Variants in DPP10 observed in about 807,000 individuals in gnomAD.
The protein encoded by DPP10 is inactive dipeptidyl peptidase 10.
DPP10 carries 33 observed loss-of-function variants against 120.9 expected under a neutral mutation model. The observed-to-expected ratio is 0.27, with a 90% CI of 0.21 to 0.37. DPP10 has a LOEUF of 0.37. Ranked by LOEUF, DPP10 falls within the 10% of genes least tolerant of loss-of-function variation. The pLI, the probability that DPP10 is intolerant of heterozygous loss-of-function variation, is 1.00. For synonymous variants in DPP10, 337 were observed against 326.1 expected, an observed-to-expected ratio of 1.03 and a Z score of -0.36; for missense variants, 816 against 942.8, an observed-to-expected ratio of 0.87 and a Z score of 1.76.
intron 1 of DPP10, among the ~76,000 whole-genome samples, chr2:115,150,573 T>A (rs563199539): frequency 1.3e-5 from 2 of 152,360 alleles, no homozygotes; most frequent in African/African-American, 4.8e-5. Context: ...TTGTACTAAA[T>A]CTACATTGGT....
chr2:115,398,720 G>A (rs1010655519), intron 3 of DPP10, among the ~76,000 whole-genome samples: 4 of 151,992 alleles, frequency 2.6e-5, no homozygotes, highest in Non-Finnish European at 5.9e-5. Flanking sequence ...CTTTATATGA[G>A]ATTTGATTTT....
intron 1 of DPP10, chr2:114,463,457 A>G (rs1679096421): frequency 6.6e-6 from 1 of 152,176 alleles, no homozygotes; most frequent in Admixed American, 6.5e-5. Flanking sequence ...AAATAGCTTT[A>G]CCAACTAGAG....
chr2:114,467,016 G>A (rs1349821436), intron 1 of DPP10, among the ~76,000 whole-genome samples: 2 of 145,602 alleles, frequency 1.4e-5, no homozygotes, highest in Admixed American at 1.4e-4. Context: ...CTCCCAGGGC[G>A]AGAGAGGAAG....
At chr2:115,600,077 G>GT (rs969062825) in intron 5 of DPP10, among the ~76,000 whole-genome samples, 88 of 151,742 alleles carry the variant, frequency 5.8e-4, no homozygotes, top group Non-Finnish European at 1.1e-3. Context: ...GTTTGTTTTT[G>GT]TTTTTTTGAT....
rs80182949 is a variant in DPP10 at position 115,434,002 on chromosome 2, T to G, written c.272-65508T>G. 7.9e-3 allele frequency among the ~76,000 whole-genome samples: 1,205 copies of G among 152,076 alleles called. 7 individuals carry two copies. The highest frequency in any genetic ancestry group is 0.013 in the Non-Finnish European group (866 of 67,922). On this transcript the variant is annotated intron_variant, in intron 3 of 25. Coordinates refer to ENST00000410059, the MANE Select transcript of DPP10 (RefSeq NM_020868.6). ...ATAAATAACTTCTGTACACTGTGGA[T>G]TGCTTTATTTATACTTTGGTAATAG... is the stretch of plus-strand genomic sequence containing the variant.
At chr2:114,881,996 C>A (rs1348139579) in intron 1 of DPP10, among the ~76,000 whole-genome samples, 1 of 151,990 alleles carries the variant, frequency 6.6e-6, no homozygotes, top group African/African-American at 2.4e-5. Context: ...ATTTTCTGTC[C>A]TGCAACAAGT....
chr2:114,534,027 G>A (rs1254069619), intron 1 of DPP10, among the ~76,000 whole-genome samples: 2 of 151,156 alleles, frequency 1.3e-5, no homozygotes, highest in African/African-American at 4.9e-5. Context: ...GATATGGGAT[G>A]TTCTACATAC....
chr2:115,271,638 C>A (rs996809294), intron 1 of DPP10, among the ~76,000 whole-genome samples: 5 of 151,904 alleles, frequency 3.3e-5, no homozygotes, highest in African/African-American at 1.2e-4. Flanking sequence ...ATTTCAAAAT[C>A]TATTAGAAAG....
intron 1 of DPP10, among the ~76,000 whole-genome samples, chr2:114,763,493 G>A (rs1362123305): frequency 3.3e-5 from 5 of 152,124 alleles, no homozygotes; most frequent in Admixed American, 2.6e-4. Context: ...ATCACATCCT[G>A]ACTTAATTTG....
chr2:115,836,387 C>G, intron 22 of DPP10, 120 bp from the exon 23 acceptor site: 2 of 1,412,778 alleles, frequency 1.4e-6, no homozygotes, highest in Non-Finnish European at 2.0e-6. Flanking sequence ...TTTATCTCCT[C>G]CTTGATTCAG....
chr2:114,991,172 A>G (rs1046476017), intron 1 of DPP10, among the ~76,000 whole-genome samples: 1 of 152,150 alleles, frequency 6.6e-6, no homozygotes, highest in African/African-American at 2.4e-5. Flanking sequence ...GTTATGCTGG[A>G]GTAAAATATC....
chr2:115,516,318 T>C (rs187312375), intron 4 of DPP10, among the ~76,000 whole-genome samples: 55 of 152,244 alleles, frequency 3.6e-4, no homozygotes, highest in Admixed American at 5.9e-4. Flanking sequence ...CCTTCTTTCT[T>C]TCCCCAACTA....
At chr2:114,654,797 T>G (rs1696851735) in intron 1 of DPP10, among the ~76,000 whole-genome samples, 1 of 152,084 alleles carries the variant, frequency 6.6e-6, no homozygotes, top group Non-Finnish European at 1.5e-5. Context: ...CAAAGCTGGA[T>G]GTAGTTAAAC....
At chr2:115,018,566 A>G (rs986376185) in intron 1 of DPP10, among the ~76,000 whole-genome samples, 1 of 152,164 alleles carries the variant, frequency 6.6e-6, no homozygotes, top group Non-Finnish European at 1.5e-5. Context: ...TTGCAGGGAC[A>G]TGGATGAAAC....
intron 1 of DPP10, among the ~76,000 whole-genome samples, chr2:114,636,947 T>C (rs919122087): frequency 3.0e-4 from 45 of 152,034 alleles, no homozygotes; most frequent in Non-Finnish European, 7.4e-5. Flanking sequence ...GAACTTTTGC[T>C]ATCGCCACAT....
chr2:115,210,661 C>A (rs943823266), intron 1 of DPP10, among the ~76,000 whole-genome samples: 1 of 152,126 alleles, frequency 6.6e-6, no homozygotes, highest in African/African-American at 2.4e-5. Flanking sequence ...CCTATTTCTC[C>A]ATATCCCCTC....
At chr2:114,836,469 T>C (rs537161835) in intron 1 of DPP10, among the ~76,000 whole-genome samples, 3 of 152,244 alleles carry the variant, frequency 2.0e-5, no homozygotes, top group African/African-American at 7.2e-5. Context: ...CAAGTTTTTA[T>C]TAGTGATTTT....
In DPP10 at chr2:115,456,800, G is replaced by A. The variant is rs748345221; in HGVS notation, c.272-42710G>A. 8.6e-5 allele frequency among the ~76,000 whole-genome samples: 13 copies of A among 151,948 alleles called. 1 individual carries two copies. The highest frequency in any genetic ancestry group is 1.5e-4 in the Non-Finnish European group (10 of 67,998). ...AACAGTAAGGGGAACATCATACACC[G>A]GGACCTGTCAGTGGGTGAGGAGCTA... On this transcript the variant is annotated intron_variant, in intron 3 of 25. Coordinates refer to ENST00000410059, the MANE Select transcript of DPP10 (RefSeq NM_020868.6).
At chr2:115,690,029 A>G (rs1404368923) in intron 7 of DPP10, 108 bp downstream of exon 7, 2 of 1,042,526 alleles carry the variant, frequency 1.9e-6, no homozygotes, top group South Asian at 1.6e-5. Flanking sequence ...ACAAAACTTT[A>G]TGTTTCCCTA....
Sources: allele counts gnomAD v4.1 joint callset (sites outside exome capture counted in the v4.1 genomes callset), GRCh38; gene constraint gnomAD v4.1.1; transcripts MANE v1.5; gene names NCBI Gene and HGNC (gene_info 2026-07-23, HGNC 2026-07-21).